The following AP5M1 variants were observed in gnomAD, a reference collection of about 807,000 sequenced individuals.
AP5M1 encodes adaptor related protein complex 5 subunit mu 1.
Under a neutral mutation model 52.3 loss-of-function variants are expected in AP5M1, and 44 were observed. The observed-to-expected ratio is 0.84, with a 90% CI of 0.66 to 1.08. AP5M1 has a LOEUF of 1.08. Among genes scored for constraint, AP5M1 ranks in the 50% least tolerant of loss-of-function variants. The pLI, the probability that AP5M1 is intolerant of heterozygous loss-of-function variation, is 0.00. For missense variants in AP5M1, 526 were observed against 568.4 expected (o/e 0.93, Z 0.76); for synonymous variants, 213 against 199.0 (o/e 1.07, Z -0.59).
At chr14:57,287,529 A>T (rs901686381) in intron 7 of AP5M1, among the ~76,000 whole-genome samples, 1 of 152,110 alleles carries the variant, frequency 6.6e-6, no homozygotes, top group African/African-American at 2.4e-5. Flanking sequence ...ATGGGAAAAT[A>T]ATTTATTTAT....
intron 1 of AP5M1, chr14:57,271,194 C>T (rs553044110): frequency 1.3e-5 from 2 of 152,410 alleles, no homozygotes; most frequent in Admixed American, 6.5e-5. Context: ...ATTTACCTGT[C>T]CCCTTTACCT....
intron 7 of AP5M1, chr14:57,286,633 A>C: frequency 4.9e-6 from 1 of 203,808 alleles, no homozygotes; most frequent in Non-Finnish European, 9.8e-6. Flanking sequence ...GACAGGGCTT[A>C]AGCCTGGCTC....
rs762554673 is a variant in AP5M1, at chr14:57,286,285, A to G, written c.1356A>G (p.Gln452=). The G allele has an allele frequency of 2.5e-6, 4 of 1,613,122 alleles. No homozygotes were observed. In the Admixed American group the frequency reaches 5.0e-5, roughly 20 times the overall value. The change falls in exon 7 of 8, where the codon CAA becomes CAG. Residue 452 remains glutamine (Q), a synonymous_variant. Coordinates refer to ENST00000261558, the MANE Select transcript of AP5M1 (RefSeq NM_018229.4). ...GTTATGCAGATCAGCATTCAGTTCA[A>G]GTTTTTGCATCAGGAAAACCAAAAA... ...TGCYADQHSV[Q]VFASGKPKIS...
At chr14:57,280,459 T>G in intron 3 of AP5M1, 37 bp downstream of exon 3, 1 of 1,339,966 alleles carries the variant, frequency 7.5e-7, no homozygotes, top group Non-Finnish European at 1.1e-6. Context: ...TTGCTGATCT[T>G]TATATTCATA....
chr14:57,274,135 A>G, intron 1 of AP5M1, 109 bp from the exon 2 acceptor site: 2 of 1,228,192 alleles, frequency 1.6e-6, no homozygotes, highest in Non-Finnish European at 2.2e-6. Flanking sequence ...TTTCTCGTGT[A>G]TTTTATTGTT....
chr14:57,274,985 T>C, intron 2 of AP5M1, 96 bp downstream of exon 2: 1 of 1,433,068 alleles, frequency 7.0e-7, no homozygotes, highest in Non-Finnish European at 9.7e-7. Context: ...TTTTTTATTT[T>C]CATCTTAAGC....
chr14:57,282,334 A>T, intron 4 of AP5M1, 106 bp downstream of exon 4: 1 of 835,734 alleles, frequency 1.2e-6, no homozygotes, highest in Non-Finnish European at 1.7e-6. Flanking sequence ...AGGTCTGAAC[A>T]ATTTTATTTT....
intron 4 of AP5M1, 105 bp downstream of exon 4, chr14:57,282,333 C>A: frequency 2.4e-6 from 2 of 848,578 alleles, no homozygotes; most frequent in Non-Finnish European, 3.3e-6. Flanking sequence ...AAGGTCTGAA[C>A]AATTTTATTT....
chr14:57,274,820 A>G lies in AP5M1; in HGVS notation c.651A>G (p.Val217=), dbSNP rs757730005. The G allele has an allele frequency of 1.2e-6, 2 of 1,614,104 alleles. No homozygotes were observed. The highest frequency in any genetic ancestry group is 2.7e-5 in the African/African-American group (2 of 74,942). ...PQVSISITEK[V]KSMQYDKQGI... ...TTTCTATTTCTATCACTGAAAAGGT[A>G]AAATCCATGCAATATGATAAACAGG... The change falls in exon 2 of 8, where the codon GTA becomes GTG. Residue 217 remains valine, a synonymous_variant. Transcript: ENST00000261558.
rs770967424 is a variant in AP5M1 at position 57,274,502 on chromosome 14, A to G, written c.333A>G (p.Leu111=). The change falls in exon 2 of 8, where the codon CTA becomes CTG. Residue 111 remains leucine (L), a synonymous_variant. Transcript: ENST00000261558. ...KNDMIYACVP[L]VEQTLSPRPP... ...ACATGATATATGCTTGTGTTCCACT[A>G]GTTGAACAAACTCTGTCCCCTCGTC... 6.2e-7 allele frequency: 1 copy of G among 1,614,220 alleles called. No individual in the cohort carries two copies. Among genetic ancestry groups the G allele is most frequent in the Non-Finnish European group, 8.5e-7 (1 of 1,180,036 alleles).
chr14:57,282,910 T>A, intron 4 of AP5M1, 24 bp from the exon 5 acceptor site: 1 of 1,484,610 alleles, frequency 6.7e-7, no homozygotes, highest in Non-Finnish European at 9.2e-7. Context: ...GATCTTTTTC[T>A]ATTTTATCCT....
In AP5M1 at chr14:57,297,016, A is replaced by C. The variant is rs752207230; in HGVS notation, c.*8132A>C. On this transcript the variant is annotated 3_prime_UTR_variant, in exon 8 of 8. Coordinates refer to ENST00000261558, the MANE Select transcript of AP5M1 (RefSeq NM_018229.4). ...TTAAAGGGCACACCGTGGGGGCAGC[A>C]TATCTCCATGGGTCTATCTCTAGCA... The C allele has an allele frequency of 1.9e-4, 29 of 152,048 alleles. No individual in the cohort carries two copies. Among genetic ancestry groups the C allele is most frequent in the Non-Finnish European group, 3.2e-4 (22 of 68,000 alleles). 9.4% of individuals were successfully genotyped at this position (152,048 alleles called of 1,614,324 possible).
intron 2 of AP5M1, among the ~76,000 whole-genome samples, chr14:57,277,070 T>G (rs1207263453): frequency 1.3e-5 from 2 of 152,046 alleles, no homozygotes; most frequent in African/African-American, 4.8e-5. Context: ...CTGTATGTCT[T>G]TAGAAAGTTA....
chr14:57,269,228 T>G lies in AP5M1; in HGVS notation c.-87T>G. ...GCAGGATGAGCCTCAGGGCTTCTGT[T>G]AAGAGTCTGTCTGAGAAAGCCGGTC... On this transcript the variant is annotated 5_prime_UTR_variant, in exon 1 of 8. Coordinates refer to ENST00000261558, the MANE Select transcript of AP5M1 (RefSeq NM_018229.4). 7.7e-7 allele frequency: 1 copy of G among 1,305,100 alleles called. No individual in the cohort carries two copies. Among genetic ancestry groups the G allele is most frequent in the East Asian group, 2.3e-5 (1 of 43,388 alleles). The allele number at this position is 1,305,100 out of a possible 1,614,324, so 80.8% of individuals were successfully genotyped here. A position where few individuals can be genotyped will look rare whatever the true frequency, so the allele number is the denominator to read the frequency against.
Position 57,274,384 on chromosome 14 carries a change from G to A in AP5M1, c.215G>A (p.Arg72His), listed in dbSNP as rs202191261. The A allele has an allele frequency of 1.7e-5, 27 of 1,614,144 alleles. No individual in the cohort carries two copies. The East Asian group carries it at 2.7e-4, about 16-fold the overall frequency. Residue 72 changes from arginine to histidine, a missense_variant, in exon 2 of 8, where the codon CGT (arginine) becomes CAT (histidine). Transcript: ENST00000261558. ...LDDDKDFVES[R>H]DSCSRINKTS... ...GATGATAAAGACTTCGTTGAGAGTC[G>A]TGATAGCTGTTCACGCATCAATAAA...
chr14:57,285,496 C>T (rs1189903), intron 6 of AP5M1, among the ~76,000 whole-genome samples: 2 of 151,574 alleles, frequency 1.3e-5, no homozygotes, highest in Non-Finnish European at 2.9e-5. Context: ...CAAAAAAGCA[C>T]GCAACAGCCT....
chr14:57,287,156 CT>C (rs1319138970), intron 7 of AP5M1, among the ~76,000 whole-genome samples: 5 of 152,012 alleles, frequency 3.3e-5, no homozygotes, highest in African/African-American at 9.6e-5. Flanking sequence ...CTTAAACAAC[CT>C]TTTTGCCTCA....
In AP5M1 at chr14:57,294,000, C is replaced by T. The variant is rs1885497085; in HGVS notation, c.*5116C>T. On this transcript the variant is annotated 3_prime_UTR_variant, in exon 8 of 8. Coordinates refer to ENST00000261558, the MANE Select transcript of AP5M1 (RefSeq NM_018229.4). The stretch of plus-strand genomic sequence containing the variant: ...TATGACCTGAAGGCTTTCCAACTAG[C>T]CTCCAACTGTCCGCACCAGCTGTTT... The T allele has an allele frequency of 6.6e-6, 1 of 151,692 alleles. No homozygotes were observed. The highest frequency in any genetic ancestry group is 6.6e-5 in the Admixed American group (1 of 15,150). 9.4% of individuals were successfully genotyped at this position (151,692 alleles called of 1,614,324 possible).
chr14:57,280,307 C>T lies in AP5M1; in HGVS notation c.833C>T (p.Ala278Val). Residue 278 changes from alanine to valine, a missense_variant, in exon 3 of 8, where the codon GCA becomes GTA. Physicochemically the swap from Ala to Val is moderately conservative, Grantham distance 64. Transcript: ENST00000261558. The part of the protein sequence containing the change: ...VHPCVTSLDS[A>V]ILTSSSIDAM... ...CCTTGTGTAACTTCTCTTGACTCTG[C>T]AATTCTGACTTCTAGTAGTATTGAT... 5.0e-6 allele frequency: 8 copies of T among 1,613,766 alleles called. No individual in the cohort carries two copies. The highest frequency in any genetic ancestry group is 6.8e-6 in the Non-Finnish European group (8 of 1,179,698).
Sources: allele counts gnomAD v4.1 joint callset (sites outside exome capture counted in the v4.1 genomes callset), GRCh38; gene constraint gnomAD v4.1.1; transcripts MANE v1.5; gene names NCBI Gene and HGNC (gene_info 2026-07-23, HGNC 2026-07-21).